PRIM2: variants seen among roughly 807,000 people sequenced by gnomAD.
The protein encoded by PRIM2 is DNA primase large subunit.
Under a neutral mutation model 67.3 loss-of-function variants are expected in PRIM2, and 39 were observed. The ratio of observed to expected loss-of-function variants is 0.58; its 90% CI spans 0.45 to 0.76. The LOEUF (loss-of-function observed/expected upper bound fraction) is 0.76, where lower values mean the gene tolerates loss of function less well. PRIM2 is among the 30% of genes least tolerant of loss of function. The probability of loss-of-function intolerance (pLI) is 0.00; values close to 1 mark genes in which losing one functional copy is unlikely to be tolerated. For missense variants in PRIM2, 398 were observed against 598.7 expected, an observed-to-expected ratio of 0.66 and a Z score of 3.50; for synonymous variants, 143 against 198.7, an observed-to-expected ratio of 0.72 and a Z score of 2.36.
chr6:57,556,830 G>A (rs1775522460), intron 10 of PRIM2, among the ~76,000 whole-genome samples: 1 of 151,894 alleles, frequency 6.6e-6, no homozygotes, highest in Non-Finnish European at 1.5e-5. Context: ...TATCAACAGA[G>A]TAAACAGACA....
intron 10 of PRIM2, among the ~76,000 whole-genome samples, chr6:57,585,873 G>A (rs1306733384): frequency 6.6e-6 from 1 of 152,138 alleles, no homozygotes; most frequent in Admixed American, 6.5e-5. Context: ...AGTCCATCTT[G>A]TGTTCAGTTC....
Position 57,383,688 on chromosome 6 carries a change from G to GAA in PRIM2, c.693+1520_693+1521insAA. On this transcript the variant is annotated intron_variant, in intron 7 of 13. Transcript: ENST00000615550. ...AGAGCTACAGCCATCTAGAGATGAGGCAGGTAACTTCGGGACAACCCAATT... is the reference window on the plus strand; with the variant it reads ...AGAGCTACAGCCATCTAGAGATGAGGAACAGGTAACTTCGGGACAACCCAATT... 3 of 152,136 alleles carry GAA rather than the reference G, an allele frequency of 2.0e-5. No homozygotes were observed. In the South Asian group the frequency reaches 6.2e-4, roughly 32 times the overall value. The allele number at this position is 152,136 out of a possible 1,614,324, so 9.4% of individuals were successfully genotyped here.
intron 7 of PRIM2, among the ~76,000 whole-genome samples, chr6:57,444,037 T>C (rs1313002359): frequency 1.3e-5 from 2 of 152,222 alleles, no homozygotes; most frequent in African/African-American, 4.8e-5. Flanking sequence ...TTTCCCATTG[T>C]ATATTTTTGA....
the PRIM2 span, among the ~76,000 whole-genome samples, chr6:57,247,618 G>A: frequency 6.6e-6 from 1 of 152,158 alleles, no homozygotes. Flanking sequence ...AGATGCAAAT[G>A]TTCTCTATGT....
chr6:57,525,675 T>C (rs1487715297), intron 8 of PRIM2, among the ~76,000 whole-genome samples: 2 of 152,260 alleles, frequency 1.3e-5, no homozygotes, highest in African/African-American at 2.4e-5. Flanking sequence ...CTCTATTCAG[T>C]GCCATTGTAT....
At chr6:57,238,651 G>A in the PRIM2 span, among the ~76,000 whole-genome samples, 2 of 152,196 alleles carry the variant, frequency 1.3e-5, no homozygotes, top group Non-Finnish European at 2.9e-5. Flanking sequence ...ACAGTTAGAA[G>A]AACTGGAGAA....
At chr6:57,406,866 G>A (rs539767065) in intron 7 of PRIM2, among the ~76,000 whole-genome samples, 4 of 151,882 alleles carry the variant, frequency 2.6e-5, no homozygotes, top group Non-Finnish European at 5.9e-5. Context: ...CTCTGGTTGC[G>A]GTTGTCCCTT....
intron 13 of PRIM2, among the ~76,000 whole-genome samples, chr6:57,641,909 C>G (rs1315363094): frequency 6.6e-6 from 1 of 152,160 alleles, no homozygotes; most frequent in African/African-American, 2.4e-5. Context: ...ATAAATCATG[C>G]TACTGTAAAG....
intron 3 of PRIM2, 105 bp from the exon 4 acceptor site, chr6:57,324,096 T>A (rs181513710): frequency 3.1e-6 from 2 of 640,522 alleles, no homozygotes; most frequent in South Asian, 3.9e-5. Flanking sequence ...AAAAAAGAAA[T>A]GTTTTTGAAA....
the PRIM2 span, among the ~76,000 whole-genome samples, chr6:57,298,486 T>A: frequency 9.2e-5 from 14 of 152,010 alleles, no homozygotes; most frequent in Non-Finnish European, 1.9e-4. Context: ...GAGTGGAAGC[T>A]TGGGAAGGCT....
chr6:57,465,099 C>CA (rs1773141996), intron 7 of PRIM2, among the ~76,000 whole-genome samples: 1 of 152,104 alleles, frequency 6.6e-6, no homozygotes, highest in South Asian at 2.1e-4. Flanking sequence ...GTAGGTCCAC[C>CA]ACTACAGTAA....
rs1348056521 is a variant in PRIM2, at chr6:57,487,512, C to A, written c.694-19875C>A. ...CCAAAGTGCTGGGATTACAGGCATG[C>A]GCCACTGCCCCTGGCCTGATCAATG... On this transcript the variant is annotated intron_variant, in intron 7 of 13. Coordinates refer to ENST00000615550, the MANE Select transcript of PRIM2 (RefSeq NM_000947.5). 1.3e-3 allele frequency among the ~76,000 whole-genome samples: 193 copies of A among 152,314 alleles called. 5 individuals carry two copies. The East Asian group carries it at 0.016, about 13-fold the overall frequency.
chr6:57,276,384 G>A, the PRIM2 span, among the ~76,000 whole-genome samples: 1 of 151,414 alleles, frequency 6.6e-6, no homozygotes, highest in Non-Finnish European at 1.5e-5. Context: ...GAGTGAGACT[G>A]TCTCAAATAA....
chr6:57,624,354 TTAA>T (rs1776909055), intron 12 of PRIM2, among the ~76,000 whole-genome samples: 1 of 152,226 alleles, frequency 6.6e-6, no homozygotes, highest in Non-Finnish European at 1.5e-5. Flanking sequence ...AATGTTGGTA[TTAA>T]TGTGCACTAA....
At chr6:57,621,480 A>C (rs1776853407) in intron 12 of PRIM2, among the ~76,000 whole-genome samples, 1 of 151,420 alleles carries the variant, frequency 6.6e-6, no homozygotes, top group Non-Finnish European at 1.5e-5. Flanking sequence ...TTTTTGATGT[A>C]TTTTTTTCTC....
At chr6:57,413,606 AG>A (rs1771162023) in intron 7 of PRIM2, among the ~76,000 whole-genome samples, 1 of 152,130 alleles carries the variant, frequency 6.6e-6, no homozygotes, top group Admixed American at 6.5e-5. Context: ...ATAAACATCC[AG>A]GGAGTAAAGA....
chr6:57,501,505 G>A (rs1326498973), intron 7 of PRIM2, among the ~76,000 whole-genome samples: 4 of 152,094 alleles, frequency 2.6e-5, no homozygotes, highest in African/African-American at 9.7e-5. Context: ...TCACCATGTT[G>A]TCCAGGCTGG....
chr6:57,522,717 C>A (rs1774651505), intron 8 of PRIM2, among the ~76,000 whole-genome samples: 1 of 152,146 alleles, frequency 6.6e-6, no homozygotes, highest in Admixed American at 6.5e-5. Context: ...ATTTTATGGA[C>A]TAAGTCTTTG....
intron 2 of PRIM2, among the ~76,000 whole-genome samples, 193 bp from the exon 3 acceptor site, chr6:57,320,264 A>G (rs1314699316): frequency 6.6e-6 from 1 of 152,076 alleles, no homozygotes; most frequent in Non-Finnish European, 1.5e-5. Context: ...GGACATGGAT[A>G]TTTTCTGCAC....
Sources: allele counts gnomAD v4.1 joint callset (sites outside exome capture counted in the v4.1 genomes callset), GRCh38; gene constraint gnomAD v4.1.1; transcripts MANE v1.5; gene names NCBI Gene and HGNC (gene_info 2026-07-23, HGNC 2026-07-21).